ACO1: variants seen among roughly 807,000 people sequenced by gnomAD.
The protein encoded by ACO1 is cytoplasmic aconitate hydratase.
Under a neutral mutation model 105.1 loss-of-function variants are expected in ACO1, and 78 were observed. That is an observed-to-expected ratio of 0.74 (90% CI 0.62 to 0.90). The LOEUF (loss-of-function observed/expected upper bound fraction) is 0.90. ACO1 is among the 40% of genes least tolerant of loss of function. The pLI is 0.00. For missense variants in ACO1, 965 were observed against 1,111.1 expected, an observed-to-expected ratio of 0.87 and a Z score of 1.87; for synonymous variants, 364 against 397.4, an observed-to-expected ratio of 0.92 and a Z score of 1.00.
intron 19 of ACO1, chr9:32,445,376 C>G (rs1347580699): frequency 6.5e-6 from 1 of 153,320 alleles, no homozygotes; most frequent in Admixed American, 6.5e-5. Flanking sequence ...TCCATTTCTT[C>G]TAGATTTTCT....
rs192997111 is a variant in ACO1, at chr9:32,392,956, C to T, written c.-23+8221C>T. 4.7e-3 allele frequency among the ~76,000 whole-genome samples: 711 copies of T among 152,310 alleles called. 3 individuals carry two copies. The highest frequency in any genetic ancestry group is 0.017 in the South Asian group (82 of 4,822). ...TTGTGATTTCCTATGCCTGTCTTTACTTTAATCTCTTAATCCCATCATCTT... is the reference window on the plus strand; with the variant it reads ...TTGTGATTTCCTATGCCTGTCTTTATTTTAATCTCTTAATCCCATCATCTT... On this transcript the variant is annotated intron_variant, in intron 1 of 20. Transcript: ENST00000309951.
At chr9:32,417,106 G>T (rs907740677) in intron 4 of ACO1, among the ~76,000 whole-genome samples, 2 of 152,152 alleles carry the variant, frequency 1.3e-5, no homozygotes, top group African/African-American at 4.8e-5. Context: ...TTCAATCCCA[G>T]TTCCACCACT....
At position 32,448,853 on chromosome 9, in the gene ACO1, A is replaced by G. The variant is rs1052624720; in HGVS notation, c.2371-43A>G. On this transcript the variant is annotated intron_variant, in intron 19 of 20. Coordinates refer to ENST00000309951, the MANE Select transcript of ACO1 (RefSeq NM_002197.3). Reference sequence around the variant, plus strand: ...CTTTTGTAAACCTGTGTATCCAAAGAAAAGATTGGAAGTATGTCTAAACTA... The same window carrying G: ...CTTTTGTAAACCTGTGTATCCAAAGGAAAGATTGGAAGTATGTCTAAACTA... 8.7e-6 allele frequency: 14 copies of G among 1,610,238 alleles called. No individual in the cohort carries two copies. In the Middle Eastern group the frequency reaches 1.2e-3, roughly 132 times the overall value.
intron 7 of ACO1, among the ~76,000 whole-genome samples, chr9:32,419,690 G>C (rs546441159): frequency 6.6e-6 from 1 of 152,308 alleles, no homozygotes; most frequent in African/African-American, 2.4e-5. Flanking sequence ...GTAGTTCCAT[G>C]AATAGAGTTT....
chr9:32,415,030 A>G (rs890673484), intron 4 of ACO1, among the ~76,000 whole-genome samples: 1 of 152,040 alleles, frequency 6.6e-6, no homozygotes, highest in African/African-American at 2.4e-5. Context: ...GAGCCTGTTT[A>G]CCAAGGAGAG....
intron 1 of ACO1, among the ~76,000 whole-genome samples, chr9:32,390,559 A>G (rs765092079): frequency 3.3e-5 from 5 of 152,268 alleles, no homozygotes; most frequent in Non-Finnish European, 7.3e-5. Flanking sequence ...AGCAATGCGT[A>G]ATACAAAGAA....
At chr9:32,392,639 G>T (rs992678680) in intron 1 of ACO1, among the ~76,000 whole-genome samples, 1 of 152,080 alleles carries the variant, frequency 6.6e-6, no homozygotes, top group East Asian at 1.9e-4. Flanking sequence ...CTTGTTCATT[G>T]GCTCTGCCAG....
chr9:32,434,846 G>C (rs1822320634), intron 17 of ACO1, 145 bp downstream of exon 17: 2 of 915,352 alleles, frequency 2.2e-6, no homozygotes, highest in South Asian at 3.7e-5. Flanking sequence ...AAAACCAATT[G>C]CATTTTCTGT....
chr9:32,411,331 G>C (rs1375246390), intron 4 of ACO1, among the ~76,000 whole-genome samples: 3 of 152,218 alleles, frequency 2.0e-5, no homozygotes, highest in Non-Finnish European at 4.4e-5. Context: ...GCTGGAAATT[G>C]ATTAGTGGAG....
intron 1 of ACO1, chr9:32,386,402 C>T (rs1001902663): frequency 1.3e-5 from 2 of 152,122 alleles, no homozygotes; most frequent in African/African-American, 4.8e-5. Flanking sequence ...CTTCCTCAGC[C>T]CCTGTCAAAA....
rs57615512 is a variant in ACO1, at chr9:32,399,966, G to GTTTTTTTTTTT, written c.-22-5507_-22-5497dup. Among the ~76,000 whole-genome samples, 143 of 69,818 alleles carry GTTTTTTTTTTT rather than the reference G, an allele frequency of 2.0e-3. 20 individuals are homozygous for GTTTTTTTTTTT. The highest frequency in any genetic ancestry group is 2.4e-3 in the Non-Finnish European group (97 of 40,374). 45.8% of individuals were successfully genotyped at this position (69,818 alleles called of 152,430 possible). On this transcript the variant is annotated intron_variant, in intron 1 of 20. Coordinates refer to ENST00000309951, the MANE Select transcript of ACO1 (RefSeq NM_002197.3). ...ATTTCTTTTATTTTTTTCTTTTTCT[G>GTTTTTTTTTTT]TTTTTTTTTTTTTTTTTTTTTTGCG...
At chr9:32,435,795 T>C (rs1024215360) in intron 17 of ACO1, among the ~76,000 whole-genome samples, 1 of 152,246 alleles carries the variant, frequency 6.6e-6, no homozygotes, top group African/African-American at 2.4e-5. Flanking sequence ...GGGACAAATT[T>C]GAAACTATTT....
At chr9:32,445,313 A>T (rs1822577172) in intron 19 of ACO1, among the ~76,000 whole-genome samples, 1 of 152,088 alleles carries the variant, frequency 6.6e-6, no homozygotes, top group Non-Finnish European at 1.5e-5. Flanking sequence ...CTATTCAGGG[A>T]TTTGATTTCT....
intron 16 of ACO1, among the ~76,000 whole-genome samples, 183 bp downstream of exon 16, chr9:32,434,015 G>GT (rs1377012909): frequency 1.3e-5 from 2 of 152,136 alleles, no homozygotes; most frequent in African/African-American, 2.4e-5. Flanking sequence ...TGGGTCTATA[G>GT]TTTCTCTATG....
At chr9:32,447,955 C>T (rs896204081) in intron 19 of ACO1, among the ~76,000 whole-genome samples, 1 of 152,200 alleles carries the variant, frequency 6.6e-6, no homozygotes, top group African/African-American at 2.4e-5. Context: ...GTCCCAGAGG[C>T]GGACCCACCA....
intron 15 of ACO1, among the ~76,000 whole-genome samples, chr9:32,432,362 G>C (rs898127014): frequency 1.3e-5 from 2 of 152,190 alleles, no homozygotes; most frequent in African/African-American, 4.8e-5. Context: ...GAGACTCTTG[G>C]ATATTATTCC....
At chr9:32,400,035 A>C (rs1022721188) in intron 1 of ACO1, among the ~76,000 whole-genome samples, 1 of 126,040 alleles carries the variant, frequency 7.9e-6, no homozygotes, top group Admixed American at 1.0e-4. Flanking sequence ...CAATGGCACG[A>C]TCTTGGTTCA....
At chr9:32,395,288 C>A (rs1166489795) in intron 1 of ACO1, among the ~76,000 whole-genome samples, 1 of 152,106 alleles carries the variant, frequency 6.6e-6, no homozygotes, top group Non-Finnish European at 1.5e-5. Flanking sequence ...CCAGCCTGGC[C>A]AACATGGGGA....
At chr9:32,426,146 C>A (rs1822093496) in intron 11 of ACO1, 149 bp downstream of exon 11, 5 of 771,342 alleles carry the variant, frequency 6.5e-6, no homozygotes, top group Non-Finnish European at 8.1e-6. Flanking sequence ...CCATAAATAT[C>A]TACACAATAA....
Sources: allele counts gnomAD v4.1 joint callset (sites outside exome capture counted in the v4.1 genomes callset), GRCh38; gene constraint gnomAD v4.1.1; transcripts MANE v1.5; gene names NCBI Gene and HGNC (gene_info 2026-07-23, HGNC 2026-07-21).